NDUFV1: variants seen among roughly 807,000 people sequenced by gnomAD.
NDUFV1 encodes the protein NADH dehydrogenase [ubiquinone] flavoprotein 1, mitochondrial.
A neutral mutation model predicts 48.7 loss-of-function variants in NDUFV1; 41 were observed. The observed-to-expected ratio is 0.84, with a 90% CI of 0.66 to 1.09. The LOEUF is 1.09. Among genes scored for constraint, NDUFV1 ranks in the 50% least tolerant of loss-of-function variants. NDUFV1 has a pLI of 0.00. For missense variants in NDUFV1, 580 were observed against 645.4 expected (o/e 0.90, Z 1.10); for synonymous variants, 231 against 259.1 (o/e 0.89, Z 1.04).
At position 67,612,102 on chromosome 11, in the gene NDUFV1, T is replaced by G; in HGVS notation, c.1163-18T>G. On this transcript the variant is annotated intron_variant, in intron 8 of 9. Transcript: ENST00000322776. This position sits in a 1 kb window ranked among gnomAD's most constrained non-coding sequence, Gnocchi z 4.4. ...GCTGGGGAGATCATCAGGCCCTCTC[T>G]TGTGGCTGTGGCTGCAGGTGTGGAC... 6.2e-7 allele frequency: 1 copy of G among 1,613,370 alleles called. No individual in the cohort carries two copies. Among genetic ancestry groups the G allele is most frequent in the African/African-American group, 1.3e-5 (1 of 74,686 alleles).
At chr11:67,610,172 A>G in intron 4 of NDUFV1, 1 of 598,990 alleles carries the variant, frequency 1.7e-6, no homozygotes, top group Non-Finnish European at 3.0e-6. Context: ...CTGGCAGCAA[A>G]GCAGCTTACT....
chr11:67,612,310 A>G lies in NDUFV1; in HGVS notation c.1308+45A>G, dbSNP rs746486391. 1 of 1,613,864 alleles carries G rather than the reference A, an allele frequency of 6.2e-7. No homozygotes were observed. ...GTAGCACGGAGGGTGGGTGGCATCAAGGGCCCAGGGTGTTGGGGGATTTTT... is the reference window on the plus strand; with the variant it reads ...GTAGCACGGAGGGTGGGTGGCATCAGGGGCCCAGGGTGTTGGGGGATTTTT... On this transcript the variant is annotated intron_variant, in intron 9 of 9. Coordinates refer to ENST00000322776, the MANE Select transcript of NDUFV1 (RefSeq NM_007103.4). The surrounding 1 kb of genome is among the most constrained non-coding windows in gnomAD (Gnocchi z 4.4).
chr11:67,609,480 G>A lies in NDUFV1; in HGVS notation c.355G>A (p.Glu119Lys), dbSNP rs1202433436. The A allele has an allele frequency of 1.2e-6, 2 of 1,613,694 alleles. No homozygotes were observed. The highest frequency in any genetic ancestry group is 2.2e-5 in the East Asian group (1 of 44,886). Residue 119 changes from glutamate (E) to lysine (K), a missense_variant, in exon 4 of 10, where the codon GAG becomes AAG. Physicochemically the swap from Glu to Lys is moderately conservative, Grantham distance 56. Transcript: ENST00000322776. The part of the protein sequence containing the change: ...RPKYLVVNAD[E>K]GEPGTCKDRE... ...CAAGTATCTGGTGGTGAACGCAGAC[G>A]AGGGGGAGCCGGGCACCTGCAAGGA... is the stretch of plus-strand genomic sequence containing the variant.
chr11:67,611,762 G>A lies in NDUFV1; in HGVS notation c.1081-135G>A, dbSNP rs1854920662. ...AGTCTGGGCAGCACAGGGGGCCCAGGGAGGCTGGAGGAGGCCAGAACGCTG... is the reference window on the plus strand; with the variant it reads ...AGTCTGGGCAGCACAGGGGGCCCAGAGAGGCTGGAGGAGGCCAGAACGCTG... On this transcript the variant is annotated intron_variant, in intron 7 of 9. Coordinates refer to ENST00000322776, the MANE Select transcript of NDUFV1 (RefSeq NM_007103.4). This position sits in a 1 kb window ranked among gnomAD's most constrained non-coding sequence, Gnocchi z 4.2. The A allele has an allele frequency of 2.2e-6, 3 of 1,382,170 alleles. No homozygotes were observed. Among genetic ancestry groups the A allele is most frequent in the Non-Finnish European group, 3.0e-6 (3 of 993,626 alleles). The allele number at this position is 1,382,170 out of a possible 1,614,324, so 85.6% of individuals were successfully genotyped here.
At chr11:67,609,663 A>T in intron 4 of NDUFV1, 28 bp downstream of exon 4, 8 of 1,598,846 alleles carry the variant, frequency 5.0e-6, no homozygotes, top group Non-Finnish European at 6.8e-6. Context: ...TAGACAGATG[A>T]GAAGGTGTTC....
chr11:67,609,741 G>T, intron 4 of NDUFV1, 106 bp downstream of exon 4: 1 of 1,346,406 alleles, frequency 7.4e-7, no homozygotes, highest in Admixed American at 1.7e-5. Flanking sequence ...TCTGTCAGTG[G>T]TTGAACTGGG....
chr11:67,610,870 A>G, intron 5 of NDUFV1, 125 bp from the exon 6 acceptor site: 1 of 954,882 alleles, frequency 1.0e-6, no homozygotes, highest in Non-Finnish European at 1.6e-6. Flanking sequence ...AGCAGGGATA[A>G]GAATGATAAG....
Position 67,611,830 on chromosome 11 carries a change from GC to G in NDUFV1, c.1081-66del. On this transcript the variant is annotated intron_variant, in intron 7 of 9. Coordinates refer to ENST00000322776, the MANE Select transcript of NDUFV1 (RefSeq NM_007103.4). This position sits in a 1 kb window ranked among gnomAD's most constrained non-coding sequence, Gnocchi z 4.2. The stretch of plus-strand genomic sequence containing the variant: ...TTCTGGAACTGGGGGAGGGGCTGCT[GC>G]TAGGGGGCTGAGGCCCAGGCTTCTG... 6 of 1,581,892 alleles carry G rather than the reference GC, an allele frequency of 3.8e-6. No homozygotes were observed. The highest frequency in any genetic ancestry group is 5.2e-6 in the Non-Finnish European group (6 of 1,152,138).
chr11:67,609,827 G>T, intron 4 of NDUFV1, 192 bp downstream of exon 4: 3 of 572,010 alleles, frequency 5.2e-6, no homozygotes, highest in Non-Finnish European at 8.8e-6. Flanking sequence ...TCCTAATGCT[G>T]CTGGTGTAAA....
chr11:67,609,044 G>T (rs1854862663), intron 3 of NDUFV1, among the ~76,000 whole-genome samples: 1 of 152,142 alleles, frequency 6.6e-6, no homozygotes, highest in South Asian at 2.1e-4. Flanking sequence ...ATCATGCAAG[G>T]ATTAAAGAGA....
rs751424852 is a variant in NDUFV1, at chr11:67,608,615, C to T, written c.219C>T (p.Pro73=). The change falls in exon 3 of 10, where the codon CCC becomes CCT. Residue 73 remains proline, a synonymous_variant. Transcript: ENST00000322776. ...CAAAGGAGATCCTGCTGAAGGGGCCCGACTGGATCCTGGGCGAGATCAAGA... is the reference window on the plus strand; with the variant it reads ...CAAAGGAGATCCTGCTGAAGGGGCCTGACTGGATCCTGGGCGAGATCAAGA... ...YKTKEILLKG[P]DWILGEIKTS... is the part of the protein sequence containing the mutation. 1.0e-4 allele frequency: 163 copies of T among 1,614,010 alleles called. 1 individual carries two copies. The Admixed American group carries it at 2.6e-3, about 25-fold the overall frequency.
rs1565225729 is a variant in NDUFV1 at position 67,611,400 on chromosome 11, C to T, written c.914-3C>T. ...CCCTTTGGGGACCGACTTGGGGCCC[C>T]AGGGGGTGTCACGGGCGGCTGGGAC... On this transcript the variant is annotated splice_polypyrimidine_tract_variant and splice_region_variant and intron_variant, in intron 6 of 9. Transcript: ENST00000322776. The surrounding 1 kb of genome is among the most constrained non-coding windows in gnomAD (Gnocchi z 4.2). 6.2e-7 allele frequency: 1 copy of T among 1,613,380 alleles called. No homozygotes were observed. Among genetic ancestry groups the T allele is most frequent in the Non-Finnish European group, 8.5e-7 (1 of 1,179,956 alleles).
At chr11:67,608,809 T>C in intron 3 of NDUFV1, 87 bp downstream of exon 3, 1 of 1,577,674 alleles carries the variant, frequency 6.3e-7, no homozygotes, top group Non-Finnish European at 8.6e-7. Context: ...GCTCTTTCCT[T>C]AGAAACTTAG....
Position 67,610,503 on chromosome 11 carries a change from G to C in NDUFV1, c.633G>C (p.Ala211=), listed in dbSNP as rs368139042. The C allele has an allele frequency of 1.9e-6, 3 of 1,614,174 alleles. No homozygotes were observed. The highest frequency in any genetic ancestry group is 3.3e-5 in the Admixed American group (2 of 60,028). Reference sequence around the variant, plus strand: ...CCTACATCTGTGGAGAGGAGACAGCGCTCATCGAGTCCATTGAGGGCAAGC... The same window carrying C: ...CCTACATCTGTGGAGAGGAGACAGCCCTCATCGAGTCCATTGAGGGCAAGC... The part of the protein sequence containing the change: ...AGAYICGEET[A]LIESIEGKQG... The change falls in exon 5 of 10, where the codon GCG becomes GCC. Residue 211 remains alanine (A), a synonymous_variant. Coordinates refer to ENST00000322776, the MANE Select transcript of NDUFV1 (RefSeq NM_007103.4).
Position 67,611,040 on chromosome 11 carries a change from C to T in NDUFV1, c.746C>T (p.Ala249Val), listed in dbSNP as rs1854903398. ...PTTVANVETV[A>V]VSPTICRRGG... ...ACTGTGGCCAACGTGGAGACAGTGG[C>T]AGTGTCCCCCACAATCTGCCGCCGT... Residue 249 changes from alanine to valine, a missense_variant, in exon 6 of 10, where the codon GCA (alanine) becomes GTA (valine). Ala to Val is a moderately conservative substitution (Grantham distance 64). Coordinates refer to ENST00000322776, the MANE Select transcript of NDUFV1 (RefSeq NM_007103.4). The surrounding 1 kb of genome is among the most constrained non-coding windows in gnomAD (Gnocchi z 4.2). The T allele has an allele frequency of 1.9e-6, 3 of 1,614,100 alleles. No homozygotes were observed. Among genetic ancestry groups the T allele is most frequent in the Non-Finnish European group, 2.5e-6 (3 of 1,180,056 alleles).
chr11:67,612,130 GAT>G lies in NDUFV1; in HGVS notation c.1174_1175del (p.Met392GlufsTer37). The G allele has an allele frequency of 6.2e-7, 1 of 1,613,768 alleles. No homozygotes were observed. Among genetic ancestry groups the G allele is most frequent in the South Asian group, 1.1e-5 (1 of 91,074 alleles). Reference protein sequence around the residue: ...CTPCREGVDWMNKVMARFVRG... With the variant: ...CTPCREGVDWXNKVMARFVRG... ...TGGCTGTGGCTGCAGGTGTGGACTGGATGAACAAGGTGATGGCACGTTTCGTG... is the reference window on the plus strand; with the variant it reads ...TGGCTGTGGCTGCAGGTGTGGACTGGGAACAAGGTGATGGCACGTTTCGTG... On this transcript the variant is annotated frameshift_variant, in exon 9 of 10. Transcript: ENST00000322776. LOFTEE classifies it high-confidence loss of function. This position sits in a 1 kb window ranked among gnomAD's most constrained non-coding sequence, Gnocchi z 4.4.
chr11:67,607,606 C>T (rs1854833894), intron 1 of NDUFV1: 1 of 397,218 alleles, frequency 2.5e-6, no homozygotes, highest in South Asian at 1.8e-5. Flanking sequence ...CATTTCGCCT[C>T]TTCGGCCGAG....
chr11:67,607,920 C>T (rs563115121), intron 1 of NDUFV1, among the ~76,000 whole-genome samples: 1 of 152,338 alleles, frequency 6.6e-6, no homozygotes, highest in African/African-American at 2.4e-5. Flanking sequence ...CCATCCAGTA[C>T]CTGCTAAACA....
intron 4 of NDUFV1, 132 bp from the exon 5 acceptor site, chr11:67,610,249 A>G (rs1854886289): frequency 9.6e-7 from 1 of 1,041,274 alleles, no homozygotes; most frequent in Non-Finnish European, 1.5e-6. Flanking sequence ...TTACTAAGCT[A>G]GCAAAATTTT....
Sources: allele counts gnomAD v4.1 joint callset (sites outside exome capture counted in the v4.1 genomes callset), GRCh38; gene constraint gnomAD v4.1.1; non-coding constraint Gnocchi (gnomAD v3.1); transcripts MANE v1.5; gene names NCBI Gene and HGNC (gene_info 2026-07-23, HGNC 2026-07-21).